FMNL1: variants seen among roughly 807,000 people sequenced by gnomAD.
FMNL1 encodes the protein formin-like protein 1.
Under a neutral mutation model 121.3 loss-of-function variants are expected in FMNL1, and 43 were observed. That is an observed-to-expected ratio of 0.35 (90% CI 0.28 to 0.46). The LOEUF (loss-of-function observed/expected upper bound fraction) is 0.46. FMNL1 is among the 20% of genes least tolerant of loss of function. The pLI is 1.00. For missense variants in FMNL1, 1,191 were observed against 1,482.4 expected, an observed-to-expected ratio of 0.80 and a Z score of 3.23; for synonymous variants, 613 against 613.5, an observed-to-expected ratio of 1.00 and a Z score of 0.01.
In FMNL1 at chr17:45,231,644, G is replaced by A. The variant is rs1216735832; in HGVS notation, c.214-723G>A. Among the ~76,000 whole-genome samples, 1 of 152,152 alleles carries A rather than the reference G, an allele frequency of 6.6e-6. No homozygotes were observed. Among genetic ancestry groups the A allele is most frequent in the Non-Finnish European group, 1.5e-5 (1 of 68,012 alleles). On this transcript the variant is annotated intron_variant, in intron 2 of 26. Coordinates refer to ENST00000331495, the MANE Select transcript of FMNL1 (RefSeq NM_005892.4). This position sits in a 1 kb window ranked among gnomAD's most constrained non-coding sequence, Gnocchi z 4.7. ...CCTCTGGGGAGGGGTCTTTGCCGTG[G>A]TCCCTGCCTCTTTGTGTGAGTGGCC...
Position 45,241,920 on chromosome 17 carries a change from C to G in FMNL1, c.1659C>G (p.Ser553=), listed in dbSNP as rs1182211851. Residue 553 remains serine, a synonymous_variant, in exon 15 of 27, where the codon TCC becomes TCG. Transcript: ENST00000331495. This position sits in a 1 kb window ranked among gnomAD's most constrained non-coding sequence, Gnocchi z 7.0. Reference sequence around the variant, plus strand: ...CGCCCCCACTGCCCGGCCTCCCCTCCCCGCAGGAAGCCCCGCCCTCTGCGC... The same window carrying G: ...CGCCCCCACTGCCCGGCCTCCCCTCGCCGCAGGAAGCCCCGCCCTCTGCGC... ...PPPPPLPGLP[S]PQEAPPSAPP... is the part of the protein sequence containing the mutation. 2 of 1,397,102 alleles carry G rather than the reference C, an allele frequency of 1.4e-6. No homozygotes were observed. Among genetic ancestry groups the G allele is most frequent in the Admixed American group, 3.3e-5 (1 of 29,896 alleles). The allele number at this position is 1,397,102 out of a possible 1,614,324, so 86.5% of individuals were successfully genotyped here. A position where few individuals can be genotyped will look rare whatever the true frequency, so the allele number is the denominator to read the frequency against.
chr17:45,225,590 A>C (rs1282022146), intron 1 of FMNL1, among the ~76,000 whole-genome samples: 3 of 152,186 alleles, frequency 2.0e-5, no homozygotes, highest in Admixed American at 2.0e-4. Context: ...TCTGGGGCTG[A>C]CTGGCAGAGA....
At chr17:45,224,265 G>C (rs1474313152) in intron 1 of FMNL1, among the ~76,000 whole-genome samples, 2 of 152,162 alleles carry the variant, frequency 1.3e-5, no homozygotes, top group Non-Finnish European at 2.9e-5. Flanking sequence ...AGGGGCATGA[G>C]GCTTGCCCCA....
rs771223137 is a variant in FMNL1, at chr17:45,240,483, G to T, written c.1088G>T (p.Arg363Leu). The T allele has an allele frequency of 3.7e-6, 6 of 1,611,016 alleles. No homozygotes were observed. The highest frequency in any genetic ancestry group is 5.1e-6 in the Non-Finnish European group (6 of 1,178,362). Residue 363 changes from arginine (R) to leucine (L), a missense_variant, in exon 12 of 27, where the codon CGG becomes CTG. Arg to Leu is a moderately radical substitution (Grantham distance 102). Transcript: ENST00000331495. ...LGLDLYLERLRLTESDKLQVQ... is the reference protein window; with the variant it reads ...LGLDLYLERLLLTESDKLQVQ... Reference sequence around the variant, plus strand: ...CTTCCATCTGGGGGACAGAGGCTTCGGCTCACCGAGAGTGACAAGCTGCAG... The same window carrying T: ...CTTCCATCTGGGGGACAGAGGCTTCTGCTCACCGAGAGTGACAAGCTGCAG...
chr17:45,230,014 C>T (rs959382744), intron 1 of FMNL1, among the ~76,000 whole-genome samples: 11 of 152,326 alleles, frequency 7.2e-5, no homozygotes, highest in Non-Finnish European at 1.5e-4. Context: ...GCCTTCTCCT[C>T]CAAGTGGGAG....
Position 45,222,149 on chromosome 17 carries a change from G to A in FMNL1, c.25G>A (p.Glu9Lys), listed in dbSNP as rs1433536186. The A allele has an allele frequency of 1.7e-6, 2 of 1,194,436 alleles. No homozygotes were observed. The highest frequency in any genetic ancestry group is 3.9e-5 in the East Asian group (1 of 25,548). The allele number at this position is 1,194,436 out of a possible 1,614,324, so 74.0% of individuals were successfully genotyped here. Residue 9 changes from glutamate to lysine, a missense_variant, in exon 1 of 27, where the codon GAG becomes AAG. Around this residue, in one of 4 missense-constraint regions of FMNL1, gnomAD observed 52 missense variants for 43.4 expected, o/e 1.20. Coordinates refer to ENST00000331495, the MANE Select transcript of FMNL1 (RefSeq NM_005892.4). ...CATGGGCAACGCGGCCGGCAGCGCC[G>A]AGCAGCCCGCGGGCCCCGCCGCGCC... MGNAAGSA[E>K]QPAGPAAPPP...
rs1279792650 is a variant in FMNL1, at chr17:45,226,557, C to T, written c.130-4047C>T. The stretch of plus-strand genomic sequence containing the variant: ...CCACCGAGGCCACCCTGGGCAAGCA[C>T]CTTAACCTCCTTGAGTCTCAGTTTC... On this transcript the variant is annotated intron_variant, in intron 1 of 26. Transcript: ENST00000331495. 2.0e-5 allele frequency among the ~76,000 whole-genome samples: 3 copies of T among 152,218 alleles called. No individual in the cohort carries two copies. In the East Asian group the frequency reaches 5.8e-4, roughly 29 times the overall value.
rs111954387 is a variant in FMNL1 at position 45,243,105 on chromosome 17, C to T, written c.2011-13C>T. ...GCCCCACCCAGCTCCGCCTCCTCAC[C>T]CTGTACCTTCAGGAGCTAGACATGA... On this transcript the variant is annotated splice_polypyrimidine_tract_variant and intron_variant, in intron 16 of 26. Coordinates refer to ENST00000331495, the MANE Select transcript of FMNL1 (RefSeq NM_005892.4). 2.1e-3 allele frequency: 3,335 copies of T among 1,613,994 alleles called. 57 individuals are homozygous for T. The African/African-American group carries it at 0.039, about 19-fold the overall frequency.
chr17:45,232,609 TTGTG>T (rs2043462685), intron 3 of FMNL1, 129 bp downstream of exon 3: 1 of 815,380 alleles, frequency 1.2e-6, no homozygotes, highest in South Asian at 1.6e-5. Flanking sequence ...GTGTGTGTGT[TTGTG>T]TGTCTGTGTA....
At position 45,241,510 on chromosome 17, in the gene FMNL1, G is replaced by T. The variant is rs766725957; in HGVS notation, c.1461G>T (p.Gly487=). 1.3e-4 allele frequency: 202 copies of T among 1,581,596 alleles called. No homozygotes were observed. Among genetic ancestry groups the T allele is most frequent in the Non-Finnish European group, 1.6e-4 (192 of 1,164,842 alleles). Residue 487 remains glycine, a synonymous_variant, in exon 14 of 27, where the codon GGG becomes GGT. Coordinates refer to ENST00000331495, the MANE Select transcript of FMNL1 (RefSeq NM_005892.4). The surrounding 1 kb of genome is among the most constrained non-coding windows in gnomAD (Gnocchi z 7.0). ...AGGTGGAGGAGCTGGAGGAGAAGGG[G>T]TTAATCCGTATTCTGCGGGGGCCGG... is the stretch of plus-strand genomic sequence containing the variant. ...ELKVEELEEK[G]LIRILRGPGD...
intron 1 of FMNL1, 118 bp from the exon 2 acceptor site, chr17:45,230,486 G>T (rs533404362): frequency 6.1e-6 from 5 of 821,608 alleles, no homozygotes; most frequent in Non-Finnish European, 1.0e-5. Flanking sequence ...AGGGTCAGAG[G>T]ATTCATGGGG....
chr17:45,234,054 A>C lies in FMNL1; in HGVS notation c.486-18A>C. On this transcript the variant is annotated intron_variant, in intron 5 of 26. Transcript: ENST00000331495. The stretch of plus-strand genomic sequence containing the variant: ...CCCTGCAGTGTTGGCCTCCAGCCCC[A>C]TTGCATCCTGTCCCCAGGTATGACA... 1 of 1,613,096 alleles carries C rather than the reference A, an allele frequency of 6.2e-7. No homozygotes were observed. Among genetic ancestry groups the C allele is most frequent in the African/African-American group, 1.3e-5 (1 of 74,960 alleles).
In FMNL1 at chr17:45,233,853, C is replaced by A. The variant is rs966548237; in HGVS notation, c.485+122C>A. The A allele has an allele frequency of 7.1e-7, 1 of 1,404,244 alleles. No individual in the cohort carries two copies. The highest frequency in any genetic ancestry group is 9.7e-7 in the Non-Finnish European group (1 of 1,035,142). 87.0% of individuals were successfully genotyped at this position (1,404,244 alleles called of 1,614,324 possible). ...CAGCCCGAGCCTACCCTGGAACCCT[C>A]CACTTGGCCTTGAGCGATGCTCCTT... is the stretch of plus-strand genomic sequence containing the variant. On this transcript the variant is annotated intron_variant, in intron 5 of 26. Transcript: ENST00000331495. This position sits in a 1 kb window ranked among gnomAD's most constrained non-coding sequence, Gnocchi z 4.1.
Position 45,241,561 on chromosome 17 carries a change from C to G in FMNL1, c.1512C>G (p.Leu504=). 6.4e-7 allele frequency: 1 copy of G among 1,568,416 alleles called. No homozygotes were observed. The highest frequency in any genetic ancestry group is 8.6e-7 in the Non-Finnish European group (1 of 1,157,098). The change falls in exon 14 of 27, where the codon CTC becomes CTG. Residue 504 remains leucine (L), a synonymous_variant. Coordinates refer to ENST00000331495, the MANE Select transcript of FMNL1 (RefSeq NM_005892.4). The surrounding 1 kb of genome is among the most constrained non-coding windows in gnomAD (Gnocchi z 7.0). ...GPGDAVSIEI[L]PVAVATPSGG... Reference sequence around the variant, plus strand: ...GGGATGCTGTCTCCATCGAGATCCTCCCCGTCGCTGTGGCAACTCCGAGCG... The same window carrying G: ...GGGATGCTGTCTCCATCGAGATCCTGCCCGTCGCTGTGGCAACTCCGAGCG...
rs1331986813 is a variant in FMNL1 at position 45,222,288 on chromosome 17, G to C, written c.129+35G>C. On this transcript the variant is annotated intron_variant, in intron 1 of 26. Coordinates refer to ENST00000331495, the MANE Select transcript of FMNL1 (RefSeq NM_005892.4). ...ACCCGGAGGCGGGTCGGGCGCGGGC[G>C]GGGGGCGGCAGGGGCGCGGCAGGGG... 6.0e-6 allele frequency: 7 copies of C among 1,159,886 alleles called. No individual in the cohort carries two copies. In the East Asian group the frequency reaches 1.6e-4, roughly 27 times the overall value. The allele number at this position is 1,159,886 out of a possible 1,614,324, so 71.8% of individuals were successfully genotyped here. A position where few individuals can be genotyped will look rare whatever the true frequency, so the allele number is the denominator to read the frequency against.
chr17:45,246,344 C>T lies in FMNL1; in HGVS notation c.3211+14C>T. The T allele has an allele frequency of 6.2e-7, 1 of 1,614,110 alleles. No individual in the cohort carries two copies. ...ACATCATCACAGGTAAGGGCTTGGCCAGGCCTTGGTCTTATCCTCAGTCTG... is the reference window on the plus strand; with the variant it reads ...ACATCATCACAGGTAAGGGCTTGGCTAGGCCTTGGTCTTATCCTCAGTCTG... On this transcript the variant is annotated intron_variant, in intron 25 of 26. Transcript: ENST00000331495.
chr17:45,223,121 C>T (rs1292705021), intron 1 of FMNL1, among the ~76,000 whole-genome samples: 2 of 152,298 alleles, frequency 1.3e-5, no homozygotes, highest in African/African-American at 2.4e-5. Context: ...CTCCCCACCC[C>T]CGACGCCCTG....
rs2043814695 is a variant in FMNL1 at position 45,245,702 on chromosome 17, C to T, written c.2963C>T (p.Ser988Phe). 1 of 1,614,028 alleles carries T rather than the reference C, an allele frequency of 6.2e-7. No individual in the cohort carries two copies. The highest frequency in any genetic ancestry group is 1.3e-5 in the African/African-American group (1 of 74,914). ...ACCACATCCCCAGGCCTGTTCTTCTCCCTCTTTAGCCGCTTCATTAAGGCC... is the reference window on the plus strand; with the variant it reads ...ACCACATCCCCAGGCCTGTTCTTCTTCCTCTTTAGCCGCTTCATTAAGGCC... Reference protein sequence around the residue: ...PKTTSPGLFFSLFSRFIKAYK... With the variant: ...PKTTSPGLFFFLFSRFIKAYK... Residue 988 changes from serine (S) to phenylalanine (F), a missense_variant, in exon 23 of 27, where the codon TCC becomes TTC. Ser to Phe is a radical substitution (Grantham distance 155). Coordinates refer to ENST00000331495, the MANE Select transcript of FMNL1 (RefSeq NM_005892.4).
chr17:45,246,430 C>T (rs754173997), intron 25 of FMNL1, 75 bp from the exon 26 acceptor site: 2 of 1,612,520 alleles, frequency 1.2e-6, no homozygotes, highest in Admixed American at 1.7e-5. Flanking sequence ...TGCCACACTG[C>T]TTCTTGCTAC....
Sources: allele counts gnomAD v4.1 joint callset (sites outside exome capture counted in the v4.1 genomes callset), GRCh38; gene constraint gnomAD v4.1.1; regional missense constraint gnomAD v4.1.1; non-coding constraint Gnocchi (gnomAD v3.1); transcripts MANE v1.5; gene names NCBI Gene and HGNC (gene_info 2026-07-23, HGNC 2026-07-21).